Variants in SLIT3 observed in about 807,000 individuals in gnomAD.
SLIT3 encodes the protein slit homolog 3 protein.
In SLIT3, 68 loss-of-function variants were observed where a neutral mutation model predicts 184.0. The observed-to-expected ratio is 0.37, with a 90% CI of 0.30 to 0.45. The LOEUF (loss-of-function observed/expected upper bound fraction) is 0.45. Among genes scored for constraint, SLIT3 ranks in the 20% least tolerant of loss-of-function variants. SLIT3 has a pLI of 1.00. For synonymous variants in SLIT3, 831 were observed against 828.6 expected, an observed-to-expected ratio of 1.00 and a Z score of -0.05; for missense variants, 1,707 against 2,026.0, an observed-to-expected ratio of 0.84 and a Z score of 3.02.
chr5:169,144,107 G>T (rs1462708972), intron 4 of SLIT3, among the ~76,000 whole-genome samples: 2 of 152,154 alleles, frequency 1.3e-5, no homozygotes, highest in Non-Finnish European at 2.9e-5. Context: ...TTATGGATGG[G>T]AAAAATGAGG....
intron 4 of SLIT3, among the ~76,000 whole-genome samples, chr5:168,970,501 A>AT (rs925899375): frequency 4.7e-5 from 7 of 148,798 alleles, no homozygotes; most frequent in East Asian, 3.9e-4. Flanking sequence ...GTCTCAAATA[A>AT]AAAAAAAAAA....
intron 4 of SLIT3, among the ~76,000 whole-genome samples, chr5:169,190,860 AG>A (rs1763529116): frequency 6.6e-6 from 1 of 152,228 alleles, no homozygotes. Flanking sequence ...ACTTCCAAAA[AG>A]GCTCTGGAGT....
At chr5:168,992,034 C>G (rs1755348547) in intron 4 of SLIT3, among the ~76,000 whole-genome samples, 1 of 152,348 alleles carries the variant, frequency 6.6e-6, no homozygotes, top group East Asian at 1.9e-4. Flanking sequence ...TAAGTGGGAC[C>G]TGCCTCAGGC....
intron 4 of SLIT3, among the ~76,000 whole-genome samples, chr5:169,025,875 C>T (rs1756802229): frequency 6.6e-6 from 1 of 152,160 alleles, no homozygotes; most frequent in South Asian, 2.1e-4. Context: ...CTGTTACTAC[C>T]AGCCTGAACT....
At chr5:168,782,672 T>C (rs547864276) in intron 12 of SLIT3, among the ~76,000 whole-genome samples, 6 of 152,170 alleles carry the variant, frequency 3.9e-5, no homozygotes, top group Non-Finnish European at 8.8e-5. Flanking sequence ...CCCAGTGATA[T>C]GTCCTTTTCT....
At chr5:168,735,108 C>T (rs1182040230) in intron 20 of SLIT3, among the ~76,000 whole-genome samples, 2 of 152,196 alleles carry the variant, frequency 1.3e-5, no homozygotes, top group African/African-American at 4.8e-5. Flanking sequence ...CCCTCTTGCC[C>T]CACCAGCCTT....
intron 4 of SLIT3, among the ~76,000 whole-genome samples, chr5:169,098,286 C>T (rs1561663377): frequency 6.6e-6 from 1 of 152,180 alleles, no homozygotes; most frequent in African/African-American, 2.4e-5. Flanking sequence ...CGAGGACACC[C>T]CACACCCAAA....
At chr5:168,972,662 A>G (rs893890405) in intron 4 of SLIT3, among the ~76,000 whole-genome samples, 1 of 152,154 alleles carries the variant, frequency 6.6e-6, no homozygotes, top group Non-Finnish European at 1.5e-5. Flanking sequence ...TCAGTGTGGA[A>G]TGAAATCCTG....
chr5:168,933,466 C>T (rs537095977), intron 4 of SLIT3, among the ~76,000 whole-genome samples: 24 of 152,126 alleles, frequency 1.6e-4, no homozygotes, highest in East Asian at 3.9e-4. Flanking sequence ...TGCTTGAACC[C>T]GGGAGGCGGA....
At chr5:168,829,750 T>C (rs1757820028) in intron 6 of SLIT3, among the ~76,000 whole-genome samples, 1 of 152,176 alleles carries the variant, frequency 6.6e-6, no homozygotes, top group Non-Finnish European at 1.5e-5. Flanking sequence ...CAGACTCCTT[T>C]CCTGAAGAGC....
chr5:169,020,750 T>C lies in SLIT3; in HGVS notation c.414-137414A>G, dbSNP rs182927949. Among the ~76,000 whole-genome samples the C allele has an allele frequency of 9.2e-5, 14 of 152,344 alleles. No homozygotes were observed. The East Asian group carries it at 2.1e-3, about 23-fold the overall frequency. ...TGGTGGGTAAAGGGATTGCTACCTA[T>C]GTAAAGGGGAAAGAGAAACACGCAG... is the stretch of plus-strand genomic sequence containing the variant. On this transcript the variant is annotated intron_variant, in intron 4 of 35. Coordinates refer to ENST00000519560, the MANE Select transcript of SLIT3 (RefSeq NM_003062.4).
At chr5:169,189,121 C>T (rs1346195125) in intron 4 of SLIT3, among the ~76,000 whole-genome samples, 1 of 152,166 alleles carries the variant, frequency 6.6e-6, no homozygotes, top group Non-Finnish European at 1.5e-5. Context: ...AGCTCATGTT[C>T]TGTGTGTTTG....
intron 19 of SLIT3, among the ~76,000 whole-genome samples, 187 bp downstream of exon 19, chr5:168,749,285 C>T (rs1754612793): frequency 6.6e-6 from 1 of 152,200 alleles, no homozygotes; most frequent in South Asian, 2.1e-4. Flanking sequence ...GAAATGGGCA[C>T]CTTTTCTTAA....
chr5:168,801,931 T>G (rs1756779735), intron 9 of SLIT3, among the ~76,000 whole-genome samples: 1 of 152,158 alleles, frequency 6.6e-6, no homozygotes, highest in African/African-American at 2.4e-5. Context: ...TCTGCGAGAC[T>G]GTTTTGCATG....
intron 4 of SLIT3, among the ~76,000 whole-genome samples, chr5:169,170,936 T>C (rs756086087): frequency 6.6e-6 from 1 of 152,200 alleles, no homozygotes; most frequent in Non-Finnish European, 1.5e-5. Flanking sequence ...AAAGTCTACC[T>C]GGCAGACATC....
At chr5:169,154,197 T>C (rs754575940) in intron 4 of SLIT3, among the ~76,000 whole-genome samples, 2 of 152,168 alleles carry the variant, frequency 1.3e-5, no homozygotes, top group African/African-American at 2.4e-5. Context: ...CCTGACCTCG[T>C]GATCCACCCA....
intron 32 of SLIT3, among the ~76,000 whole-genome samples, chr5:168,677,318 C>T (rs921804533): frequency 1.3e-5 from 2 of 152,118 alleles, no homozygotes; most frequent in Admixed American, 1.3e-4. Flanking sequence ...GCTCTGTTGC[C>T]CAGGATGGAA....
rs745999328 is a variant in SLIT3 at position 168,669,952 on chromosome 5, G to A, written c.4167C>T (p.Tyr1389=). The A allele has an allele frequency of 9.9e-6, 16 of 1,614,066 alleles. No individual in the cohort carries two copies. The African/African-American group carries it at 1.9e-4, about 19-fold the overall frequency. ...HGKCVATGTS[Y]MCKCAEGYGG... The stretch of plus-strand genomic sequence containing the variant: ...CATAGCCCTCGGCACACTTGCACAT[G>A]TATGAGGTCCCAGTTGCCACACATT... The change falls in exon 35 of 36, where the codon TAC becomes TAT. Residue 1389 remains tyrosine (Y), a synonymous_variant. Coordinates refer to ENST00000519560, the MANE Select transcript of SLIT3 (RefSeq NM_003062.4).
intron 4 of SLIT3, among the ~76,000 whole-genome samples, chr5:169,081,266 C>T (rs961414473): frequency 1.3e-5 from 2 of 152,210 alleles, no homozygotes; most frequent in South Asian, 2.1e-4. Flanking sequence ...AGGGGGTACA[C>T]AGCAGGGTGG....
Sources: gnomAD v4.1 joint callset for allele counts (sites outside exome capture counted in the v4.1 genomes callset) on GRCh38, gnomAD v4.1.1 for gene constraint, MANE v1.5 for transcripts, NCBI Gene and HGNC (gene_info 2026-07-23, HGNC 2026-07-21) for gene names.